OTX1: variants seen among roughly 807,000 people sequenced by gnomAD.
The protein encoded by OTX1 is homeobox protein OTX1.
Under a neutral mutation model 26.7 loss-of-function variants are expected in OTX1, and 7 were observed. That is an observed-to-expected ratio of 0.26 (90% confidence interval 0.15 to 0.49). OTX1 has a LOEUF of 0.49. Among genes scored for constraint, OTX1 ranks in the 20% least tolerant of loss-of-function variants. OTX1 has a pLI of 0.98. For synonymous variants in OTX1, 216 were observed against 212.8 expected, an observed-to-expected ratio of 1.01 and a Z score of -0.13; for missense variants, 414 against 483.8, an observed-to-expected ratio of 0.86 and a Z score of 1.35.
At chr2:63,053,309 C>T in intron 3 of OTX1, 2 of 443,304 alleles carry the variant, frequency 4.5e-6, no homozygotes, top group East Asian at 3.6e-5. Context: ...TATGCGCCTT[C>T]CCGGCCGGAT....
chr2:63,049,857 C>G (rs888267560), upstream of OTX1, among the ~76,000 whole-genome samples: 3 of 152,146 alleles, frequency 2.0e-5, no homozygotes, highest in Non-Finnish European at 4.4e-5. The surrounding 1 kb of genome is among the most constrained non-coding windows in gnomAD (Gnocchi z 4.8). Context: ...TTCGCCCGTA[C>G]GAACAATCCG....
Position 63,055,476 on chromosome 2 carries a change from C to G in OTX1, c.250-25C>G. 1 of 1,599,672 alleles carries G rather than the reference C, an allele frequency of 6.3e-7. No homozygotes were observed. The highest frequency in any genetic ancestry group is 8.5e-7 in the Non-Finnish European group (1 of 1,171,752). On this transcript the variant is annotated intron_variant, in intron 4 of 4. Coordinates refer to ENST00000282549, the MANE Select transcript of OTX1 (RefSeq NM_014562.4). This position sits in a 1 kb window ranked among gnomAD's most constrained non-coding sequence, Gnocchi z 5.2. ...AGCTCCCCTAGCTCCCTTTGACCCA[C>G]TCTCCCCCATCCGGCCCACTGCAGG...
intron 1 of OTX1, 161 bp downstream of exon 1, chr2:63,051,058 G>A (rs536373093): frequency 2.0e-5 from 3 of 152,386 alleles, no homozygotes; most frequent in African/African-American, 7.2e-5. Context: ...GATCCCAGGC[G>A]AGGCAATGTC....
At position 63,055,043 on chromosome 2, in the gene OTX1, A is replaced by G. The variant is rs2062053481; in HGVS notation, c.250-458A>G. 6.6e-6 allele frequency among the ~76,000 whole-genome samples: 1 copy of G among 152,240 alleles called. No individual in the cohort carries two copies. On this transcript the variant is annotated intron_variant, in intron 4 of 4. Coordinates refer to ENST00000282549, the MANE Select transcript of OTX1 (RefSeq NM_014562.4). This position sits in a 1 kb window ranked among gnomAD's most constrained non-coding sequence, Gnocchi z 5.2. ...CAGGAGCTGCTCAGTGAAACGGCTC[A>G]GGCCCTAGACTTGGTGACTGTTCCA...
chr2:63,051,593 T>G (rs1273347240), intron 2 of OTX1: 1 of 152,368 alleles, frequency 6.6e-6, no homozygotes, highest in Non-Finnish European at 1.5e-5. Flanking sequence ...CCGTCGCAGC[T>G]TTGAGTCCCA....
upstream of OTX1, among the ~76,000 whole-genome samples, chr2:63,050,512 C>T (rs1386801251): frequency 1.3e-5 from 2 of 152,186 alleles, no homozygotes; most frequent in Non-Finnish European, 2.9e-5. Flanking sequence ...AGGGCGGGGG[C>T]GCCCAGGGCA....
chr2:63,056,351 C>T lies in OTX1; in HGVS notation c.*35C>T. The T allele has an allele frequency of 6.4e-7, 1 of 1,550,632 alleles. No individual in the cohort carries two copies. On this transcript the variant is annotated 3_prime_UTR_variant, in exon 5 of 5. Coordinates refer to ENST00000282549, the MANE Select transcript of OTX1 (RefSeq NM_014562.4). ...TGAAAGAGGAGAAGAAACGCAACTA[C>T]CTGCGCCCTCCGTGGTCCCGATCCT... is the stretch of plus-strand genomic sequence containing the variant.
At position 63,056,061 on chromosome 2, in the gene OTX1, C is replaced by T. The variant is rs766354125; in HGVS notation, c.810C>T (p.Ser270=). 5.0e-6 allele frequency: 8 copies of T among 1,613,354 alleles called. No homozygotes were observed. The Admixed American group carries it at 8.3e-5, about 17-fold the overall frequency. ...HPHQLSPMAP[S]SMAGHHHHHP... ...ACCAGCTCAGCCCCATGGCACCCTC[C>T]TCCATGGCGGGCCACCATCATCACC... is the stretch of plus-strand genomic sequence containing the variant. The change falls in exon 5 of 5, where the codon TCC becomes TCT. Residue 270 remains serine, a synonymous_variant. Coordinates refer to ENST00000282549, the MANE Select transcript of OTX1 (RefSeq NM_014562.4).
rs187464743 is a variant in OTX1, at chr2:63,056,852, C to T, written c.*536C>T. 615 of 154,164 alleles carry T rather than the reference C, an allele frequency of 4.0e-3. 17 individuals are homozygous for T. The highest frequency in any genetic ancestry group is 1.3e-3 in the East Asian group (7 of 5,194). The allele number at this position is 154,164 out of a possible 1,614,324, so 9.5% of individuals were successfully genotyped here. ...GCCCTCGATTTTGCTCCACGCCTGCCGGCCAGAGCCTCCCGGCGTTTCTTC... is the reference window on the plus strand; with the variant it reads ...GCCCTCGATTTTGCTCCACGCCTGCTGGCCAGAGCCTCCCGGCGTTTCTTC... On this transcript the variant is annotated 3_prime_UTR_variant, in exon 5 of 5. Coordinates refer to ENST00000282549, the MANE Select transcript of OTX1 (RefSeq NM_014562.4).
chr2:63,053,792 A>G (rs2062044476), intron 3 of OTX1: 3 of 488,440 alleles, frequency 6.1e-6, no homozygotes, highest in Non-Finnish European at 1.1e-5. Flanking sequence ...GACTTCTCTT[A>G]ACTTTTTTAA....
At chr2:63,053,236 A>C in intron 3 of OTX1, 149 bp downstream of exon 3, 1 of 548,236 alleles carries the variant, frequency 1.8e-6, no homozygotes. Context: ...TACAGGGCCC[A>C]CTGCCGGCGC....
upstream of OTX1, among the ~76,000 whole-genome samples, chr2:63,050,358 G>A (rs1405932036): frequency 6.6e-6 from 1 of 152,144 alleles, no homozygotes; most frequent in Non-Finnish European, 1.5e-5. Context: ...GCCGAGGCCC[G>A]GGCTCCTCCA....
In OTX1 at chr2:63,057,479, C is replaced by T. The variant is rs1314960577; in HGVS notation, c.*1163C>T. On this transcript the variant is annotated 3_prime_UTR_variant, in exon 5 of 5. Transcript: ENST00000282549. ...CAAACCTAAAACAAGAAAACCAAAA[C>T]CAGGGAACAAAACAACAAAACAAAA... 6.6e-6 allele frequency: 1 copy of T among 152,296 alleles called. No individual in the cohort carries two copies. The highest frequency in any genetic ancestry group is 2.4e-5 in the African/African-American group (1 of 41,416). 9.4% of individuals were successfully genotyped at this position (152,296 alleles called of 1,614,324 possible). A position where few individuals can be genotyped will look rare whatever the true frequency, so the allele number is the denominator to read the frequency against.
chr2:63,052,145 G>A (rs1237453360), intron 2 of OTX1: 2 of 152,484 alleles, frequency 1.3e-5, no homozygotes, highest in East Asian at 1.9e-4. Context: ...CGCTGGCAAC[G>A]AAGGACGCTG....
upstream of OTX1, among the ~76,000 whole-genome samples, chr2:63,050,344 A>AGGGGCCGAGGCCC (rs1420998463): frequency 6.6e-6 from 1 of 152,038 alleles, no homozygotes; most frequent in African/African-American, 2.4e-5. Context: ...GCGCCGGGAG[A>AGGGGCCGAGGCCC]GGGGCCGAGG....
chr2:63,055,776 T>C lies in OTX1; in HGVS notation c.525T>C (p.Ser175=), dbSNP rs765682415. The C allele has an allele frequency of 6.2e-7, 1 of 1,612,480 alleles. No individual in the cohort carries two copies. The highest frequency in any genetic ancestry group is 8.5e-7 in the Non-Finnish European group (1 of 1,179,660). ...CGCTGAGTACACCAGCTGCCTCATC[T>C]ATCTGGAGCCCGGCCTCCATCTCGC... ...ASSLSTPAAS[S]IWSPASISPG... The change falls in exon 5 of 5, where the codon TCT becomes TCC. Residue 175 remains serine, a synonymous_variant. Coordinates refer to ENST00000282549, the MANE Select transcript of OTX1 (RefSeq NM_014562.4). This position sits in a 1 kb window ranked among gnomAD's most constrained non-coding sequence, Gnocchi z 5.2.
chr2:63,056,021 C>G lies in OTX1; in HGVS notation c.770C>G (p.Ser257Ter). 6.2e-7 allele frequency: 1 copy of G among 1,614,092 alleles called. No homozygotes were observed. The highest frequency in any genetic ancestry group is 8.5e-7 in the Non-Finnish European group (1 of 1,180,030). The change falls in exon 5 of 5, where the codon TCA becomes TGA. Residue 257 changes from serine (S) to a stop codon, truncating the protein, a stop_gained. Transcript: ENST00000282549. LOFTEE classifies it high-confidence loss of function. ...AGCTCATACCTAGCGCCCATGCACT[C>G]ACATCACCACCCGCACCAGCTCAGC... ...DCSSYLAPMH[S>*]HHHPHQLSPM...
chr2:63,053,354 C>A, intron 3 of OTX1: 1 of 409,248 alleles, frequency 2.4e-6, no homozygotes, highest in South Asian at 6.3e-5. Context: ...GGTCCCACCG[C>A]CAGCGCAGAG....
In OTX1 at chr2:63,055,057, G is replaced by C. The variant is rs913670261; in HGVS notation, c.250-444G>C. 6.6e-6 allele frequency among the ~76,000 whole-genome samples: 1 copy of C among 152,214 alleles called. No homozygotes were observed. The highest frequency in any genetic ancestry group is 1.5e-5 in the Non-Finnish European group (1 of 68,052). ...TGAAACGGCTCAGGCCCTAGACTTG[G>C]TGACTGTTCCACACTCTTCGGCTCT... On this transcript the variant is annotated intron_variant, in intron 4 of 4. Coordinates refer to ENST00000282549, the MANE Select transcript of OTX1 (RefSeq NM_014562.4). This position sits in a 1 kb window ranked among gnomAD's most constrained non-coding sequence, Gnocchi z 5.2.
Sources: allele counts gnomAD v4.1 joint callset (sites outside exome capture counted in the v4.1 genomes callset), GRCh38; gene constraint gnomAD v4.1.1; non-coding constraint Gnocchi (gnomAD v3.1); transcripts MANE v1.5; gene names NCBI Gene and HGNC (gene_info 2026-07-23, HGNC 2026-07-21).